The following KCNG4 variants were observed in gnomAD, a reference collection of about 807,000 sequenced individuals.
The protein encoded by KCNG4 is voltage-gated potassium channel regulatory subunit KCNG4.
Under a neutral mutation model 28.2 loss-of-function variants are expected in KCNG4, and 30 were observed. The ratio of observed to expected loss-of-function variants is 1.06; its 90% confidence interval spans 0.80 to 1.44. The LOEUF (loss-of-function observed/expected upper bound fraction) is 1.44. Ranked by LOEUF, KCNG4 falls within the 40% of genes most tolerant of loss-of-function variation. The probability of loss-of-function intolerance (pLI) is 0.00; values close to 1 mark genes in which losing one functional copy is unlikely to be tolerated. For missense variants in KCNG4, 879 were observed against 712.3 expected (o/e 1.23, Z -2.66); for synonymous variants, 375 against 315.5 (o/e 1.19, Z -2.00).
intron 2 of KCNG4, among the ~76,000 whole-genome samples, chr16:84,224,276 C>T (rs1402883100): frequency 2.0e-5 from 3 of 152,128 alleles, no homozygotes; most frequent in Admixed American, 6.5e-5. Flanking sequence ...CATTCTGTTG[C>T]TTGGGCAGGG....
Position 84,227,904 on chromosome 16 carries a change from T to C in KCNG4, c.757-4884A>G, listed in dbSNP as rs569801876. ...CAGAGACAGAAAGCAGAGGGGTGGG[T>C]GTCCGGGGCTGGATGGAGGAGGAGG... is the stretch of plus-strand genomic sequence containing the variant. On this transcript the variant is annotated intron_variant, in intron 2 of 2. Transcript: ENST00000308251. 2.0e-4 allele frequency among the ~76,000 whole-genome samples: 31 copies of C among 151,496 alleles called. No homozygotes were observed. In the South Asian group the frequency reaches 6.6e-3, roughly 32 times the overall value.
chr16:84,236,490 AATG>A, intron 2 of KCNG4: 1 of 570,496 alleles, frequency 1.8e-6, no homozygotes, highest in Non-Finnish European at 3.0e-6. Flanking sequence ...AGGGCCACGT[AATG>A]ATTTTCACGG....
intron 2 of KCNG4, among the ~76,000 whole-genome samples, chr16:84,224,536 A>C (rs1398541201): frequency 6.6e-5 from 10 of 152,224 alleles, no homozygotes; most frequent in Non-Finnish European, 1.5e-4. Context: ...TCTGGATTAA[A>C]ATGCTCTGAA....
chr16:84,228,201 G>C (rs994164829), intron 2 of KCNG4, among the ~76,000 whole-genome samples: 13 of 152,214 alleles, frequency 8.5e-5, no homozygotes, highest in African/African-American at 2.9e-4. Context: ...CTCCATCTGG[G>C]AGGGGCTCAG....
chr16:84,222,916 C>G lies in KCNG4; in HGVS notation c.861G>C (p.Lys287Asn). 4.3e-6 allele frequency: 7 copies of G among 1,611,082 alleles called. No homozygotes were observed. Among genetic ancestry groups the G allele is most frequent in the Non-Finnish European group, 5.9e-6 (7 of 1,177,978 alleles). ...FCLRFVQAQD[K>N]CQFFQGPLNI... is the part of the protein sequence containing the mutation. ...TCAGGGGCCCCTGGAAGAACTGACA[C>G]TTGTCTTGGGCCTGGACAAACCGCA... Residue 287 changes from lysine to asparagine, a missense_variant, in exon 3 of 3, where the codon AAG (lysine) becomes AAC (asparagine). Lys to Asn is a moderately conservative substitution (Grantham distance 94). Coordinates refer to ENST00000308251, the MANE Select transcript of KCNG4 (RefSeq NM_172347.3).
chr16:84,231,453 C>T (rs1186613402), intron 2 of KCNG4, among the ~76,000 whole-genome samples: 1 of 152,138 alleles, frequency 6.6e-6, no homozygotes, highest in Non-Finnish European at 1.5e-5. Flanking sequence ...AAAGGCAGAG[C>T]TGCCCGGCCA....
rs754289551 is a variant in KCNG4, at chr16:84,222,576, C to T, written c.1201G>A (p.Glu401Lys). 9.9e-6 allele frequency: 16 copies of T among 1,613,162 alleles called. No individual in the cohort carries two copies. The Admixed American group carries it at 2.3e-4, about 24-fold the overall frequency. The change falls in exon 3 of 3, where the codon GAG (glutamate) becomes AAG (lysine). Residue 401 changes from glutamate to lysine, a missense_variant. Glu to Lys is a moderately conservative substitution (Grantham distance 56). Coordinates refer to ENST00000308251, the MANE Select transcript of KCNG4 (RefSeq NM_172347.3). ...VAEKESGRVL[E>K]FTSIPASYWW... is the part of the protein sequence containing the mutation. Reference sequence around the variant, plus strand: ...TAGGAGGCGGGGATGCTGGTGAACTCCAGCACCCGCCCGGACTCCTTCTCG... The same window carrying T: ...TAGGAGGCGGGGATGCTGGTGAACTTCAGCACCCGCCCGGACTCCTTCTCG...
intron 2 of KCNG4, chr16:84,235,595 T>C (rs1358913575): frequency 1.3e-5 from 2 of 152,202 alleles, no homozygotes; most frequent in Non-Finnish European, 2.9e-5. Context: ...GATCCTACTG[T>C]CTGTGAGGCA....
chr16:84,239,262 AC>A, intron 1 of KCNG4, among the ~76,000 whole-genome samples: 1 of 152,328 alleles, frequency 6.6e-6, no homozygotes, highest in South Asian at 2.1e-4. Flanking sequence ...TACTTTGCTC[AC>A]AGGGAATGGC....
Position 84,222,606 on chromosome 16 carries a change from C to A in KCNG4, c.1171G>T (p.Val391Leu). ...ACCCGCCCGGACTCCTTCTCGGCCA[C>A]GTAGACCAAAGGGGAGAAGAGGGTG... ...AITLFSPLVY[V>L]AEKESGRVLE... is the part of the protein sequence containing the mutation. Residue 391 changes from valine to leucine, a missense_variant, in exon 3 of 3, where the codon GTG becomes TTG. Coordinates refer to ENST00000308251, the MANE Select transcript of KCNG4 (RefSeq NM_172347.3). The A allele has an allele frequency of 1.9e-6, 3 of 1,613,320 alleles. No individual in the cohort carries two copies. Among genetic ancestry groups the A allele is most frequent in the Non-Finnish European group, 2.5e-6 (3 of 1,179,990 alleles).
In KCNG4 at chr16:84,223,018, G is replaced by A. The variant is rs770454941; in HGVS notation, c.759C>T (p.Gly253=). The change falls in exon 3 of 3, where the codon GGC becomes GGT. Residue 253 remains glycine, a splice_region_variant and synonymous_variant. Coordinates refer to ENST00000308251, the MANE Select transcript of KCNG4 (RefSeq NM_172347.3). The part of the protein sequence containing the change: ...MPDLRAEEDQ[G]ECSRKCYYIF... The stretch of plus-strand genomic sequence containing the variant: ...TATAGTAGCACTTCCGAGAGCATTC[G>A]CCCTGCGGGGAGAAGAGGCAACAAC... The A allele has an allele frequency of 1.5e-5, 23 of 1,519,860 alleles. No individual in the cohort carries two copies. The highest frequency in any genetic ancestry group is 1.3e-4 in the African/African-American group (9 of 71,836). 94.1% of individuals were successfully genotyped at this position (1,519,860 alleles called of 1,614,324 possible). A position where few individuals can be genotyped will look rare whatever the true frequency, so the allele number is the denominator to read the frequency against.
Position 84,222,825 on chromosome 16 carries a change from C to T in KCNG4, c.952G>A (p.Glu318Lys), listed in dbSNP as rs747006345. 3.0e-5 allele frequency: 48 copies of T among 1,610,154 alleles called. No homozygotes were observed. Among genetic ancestry groups the T allele is most frequent in the Non-Finnish European group, 4.1e-5 (48 of 1,177,118 alleles). Residue 318 changes from glutamate to lysine, a missense_variant, in exon 3 of 3, where the codon GAG (glutamate) becomes AAG (lysine). Coordinates refer to ENST00000308251, the MANE Select transcript of KCNG4 (RefSeq NM_172347.3). The stretch of plus-strand genomic sequence containing the variant: ...CTCCCGCTCGGCCTCTCGCCGTCCT[C>T]CGGGGGCTCCTCAGACACCGCCAGC... Reference protein sequence around the residue: ...VSLAVSEEPPEDGERPSGSSY... With the variant: ...VSLAVSEEPPKDGERPSGSSY...
intron 1 of KCNG4, among the ~76,000 whole-genome samples, chr16:84,237,751 A>G (rs1469470734): frequency 1.3e-5 from 2 of 152,174 alleles, no homozygotes; most frequent in Non-Finnish European, 2.9e-5. Context: ...CTCTACCGAC[A>G]TCTCAGAAGG....
intron 2 of KCNG4, among the ~76,000 whole-genome samples, chr16:84,225,610 T>C (rs1021091487): frequency 6.6e-6 from 1 of 152,378 alleles, no homozygotes; most frequent in East Asian, 1.9e-4. Flanking sequence ...AGTTTCTCCC[T>C]AGGCTTAAAA....
intron 2 of KCNG4, among the ~76,000 whole-genome samples, chr16:84,230,526 C>T (rs774729514): frequency 1.3e-5 from 2 of 151,756 alleles, no homozygotes; most frequent in African/African-American, 2.4e-5. Context: ...GAGCCAAGAT[C>T]GCACCACTGC....
chr16:84,235,943 C>T (rs950511207), intron 2 of KCNG4: 2 of 152,164 alleles, frequency 1.3e-5, no homozygotes. Context: ...GACCATCTGG[C>T]TCCCGAGTGG....
rs775640945 is a variant in KCNG4 at position 84,222,897 on chromosome 16, G to T, written c.880C>A (p.Pro294Thr). ...AQDKCQFFQG[P>T]LNIIDILAIS... The stretch of plus-strand genomic sequence containing the variant: ...GCCAGGATGTCGATGATGTTCAGGG[G>T]CCCCTGGAAGAACTGACACTTGTCT... Residue 294 changes from proline (P) to threonine (T), a missense_variant, in exon 3 of 3, where the codon CCC becomes ACC. Transcript: ENST00000308251. 6.2e-7 allele frequency: 1 copy of T among 1,611,748 alleles called. No individual in the cohort carries two copies. Among genetic ancestry groups the T allele is most frequent in the Non-Finnish European group, 8.5e-7 (1 of 1,178,390 alleles).
rs1905060255 is a variant in KCNG4, at chr16:84,239,975, C to T, written c.-346G>A. 6.6e-6 allele frequency among the ~76,000 whole-genome samples: 1 copy of T among 150,996 alleles called. No homozygotes were observed. Among genetic ancestry groups the T allele is most frequent in the African/African-American group, 2.4e-5 (1 of 40,982 alleles). ...CCCTTTCCTTATGAGAGATGAGGGT[C>T]TGGGGGTTCTTGCTGGGAGGGAGCC... On this transcript the variant is annotated 5_prime_UTR_variant, in exon 1 of 3. Transcript: ENST00000308251.
chr16:84,237,105 C>T lies in KCNG4; in HGVS notation c.381G>A (p.Leu127=), dbSNP rs1904983029. ...GCAGAAGCACCAGCTTCCCGGCCGC[C>T]AGGAAGCTCACGATCACCCCGAAGG... ...PSAFGVIVSF[L]AAGKLVLLQE... is the part of the protein sequence containing the mutation. Residue 127 remains leucine (L), a synonymous_variant, in exon 2 of 3, where the codon CTG becomes CTA. Transcript: ENST00000308251. 2 of 1,614,146 alleles carry T rather than the reference C, an allele frequency of 1.2e-6. No homozygotes were observed. Among genetic ancestry groups the T allele is most frequent in the Non-Finnish European group, 1.7e-6 (2 of 1,180,036 alleles).
Sources: gnomAD v4.1 joint callset for allele counts (sites outside exome capture counted in the v4.1 genomes callset) on GRCh38, gnomAD v4.1.1 for gene constraint, MANE v1.5 for transcripts, NCBI Gene and HGNC (gene_info 2026-07-23, HGNC 2026-07-21) for gene names.